The following CACNA1C variants were observed in gnomAD, a reference collection of about 807,000 sequenced individuals.
The protein encoded by CACNA1C is voltage-dependent L-type calcium channel subunit alpha-1C.
A neutral mutation model predicts 229.0 loss-of-function variants in CACNA1C; 30 were observed. That is an observed-to-expected ratio of 0.13 (90% CI 0.10 to 0.18). The LOEUF is 0.18. CACNA1C is among the 10% of genes least tolerant of loss of function. The probability of loss-of-function intolerance (pLI) is 1.00; values close to 1 mark genes in which losing one functional copy is unlikely to be tolerated. For synonymous variants in CACNA1C, 1,114 were observed against 1,132.5 expected (o/e 0.98, Z 0.33); for missense variants, 1,658 against 2,845.0 (o/e 0.58, Z 9.49).
intron 3 of CACNA1C, among the ~76,000 whole-genome samples, chr12:2,281,308 G>A (rs771465301): frequency 3.3e-5 from 5 of 151,956 alleles, no homozygotes; most frequent in Non-Finnish European, 7.4e-5. Flanking sequence ...TTTTGTTTAG[G>A]CAGTCAATGA....
chr12:2,147,759 T>G (rs1374140058), intron 3 of CACNA1C, among the ~76,000 whole-genome samples: 1 of 148,992 alleles, frequency 6.7e-6, no homozygotes, highest in Non-Finnish European at 1.5e-5. Context: ...AAGACTTCTT[T>G]CTACTCTCAA....
At position 2,348,981 on chromosome 12, in the gene CACNA1C, A is replaced by G. The variant is rs114016211; in HGVS notation, c.478-99995A>G. ...TGATACTTTGGAGTTCAGTTAGCCC[A>G]GAATGGTGAAGAAAATGGCTGTCAC... On this transcript the variant is annotated intron_variant, in intron 3 of 46. Transcript: ENST00000399655. The surrounding 1 kb of genome is among the most constrained non-coding windows in gnomAD (Gnocchi z 4.7). Among the ~76,000 whole-genome samples, 698 of 152,336 alleles carry G rather than the reference A, an allele frequency of 4.6e-3. 2 individuals are homozygous for G. Among genetic ancestry groups the G allele is most frequent in the African/African-American group, 0.016 (671 of 41,576 alleles).
chr12:2,143,467 T>G (rs765813775), intron 3 of CACNA1C, among the ~76,000 whole-genome samples: 4 of 151,122 alleles, frequency 2.6e-5, no homozygotes, highest in Non-Finnish European at 4.4e-5. Flanking sequence ...TTTTATAGAT[T>G]ATTTTTTATG....
At chr12:2,435,653 C>T (rs1440631043) in intron 3 of CACNA1C, among the ~76,000 whole-genome samples, 1 of 152,216 alleles carries the variant, frequency 6.6e-6, no homozygotes, top group African/African-American at 2.4e-5. Context: ...TCAACCATGA[C>T]ATGCTGCAGG....
chr12:2,008,718 T>C (rs987462360), intron 1 of CACNA1C, among the ~76,000 whole-genome samples: 4 of 152,214 alleles, frequency 2.6e-5, no homozygotes, highest in African/African-American at 7.2e-5. Flanking sequence ...AGGTTTTTGG[T>C]TTTTTAACTT....
At chr12:2,349,348 TG>T (rs2097140830) in intron 3 of CACNA1C, among the ~76,000 whole-genome samples, 1 of 152,168 alleles carries the variant, frequency 6.6e-6, no homozygotes, top group Non-Finnish European at 1.5e-5. Context: ...GGGTTCTAAC[TG>T]GGTATGGAAT....
chr12:2,478,658 A>T (rs1319425183), intron 5 of CACNA1C, among the ~76,000 whole-genome samples: 3 of 152,182 alleles, frequency 2.0e-5, no homozygotes, highest in Non-Finnish European at 4.4e-5. Context: ...CAGCAACTTT[A>T]TGGGATAGGT....
chr12:2,100,582 CAAAAAAA>C (rs71441677), intron 1 of CACNA1C, among the ~76,000 whole-genome samples: 51 of 66,472 alleles, frequency 7.7e-4, no homozygotes, highest in East Asian at 5.4e-3. Flanking sequence ...CTGTTTCTAC[CAAAAAAA>C]AAAAAAAAAA....
intron 3 of CACNA1C, among the ~76,000 whole-genome samples, chr12:2,279,603 A>C (rs955322886): frequency 1.3e-5 from 2 of 152,168 alleles, no homozygotes; most frequent in African/African-American, 2.4e-5. Context: ...TTGCGCTGAA[A>C]TTTATTTTGC....
Position 2,004,425 on chromosome 12 carries a change from C to G in CACNA1C, c.139+33224C>G, listed in dbSNP as rs539589278. On this transcript the variant is annotated intron_variant, in intron 1 of 46. Transcript: ENST00000682462. Reference sequence around the variant, plus strand: ...CCCACCAGGCCGCCTGCCGCCACGGCTGCCATCTTCCCTCCCTCCCAGACA... The same window carrying G: ...CCCACCAGGCCGCCTGCCGCCACGGGTGCCATCTTCCCTCCCTCCCAGACA... 6 of 1,608,994 alleles carry G rather than the reference C, an allele frequency of 3.7e-6. No individual in the cohort carries two copies. The East Asian group carries it at 1.1e-4, about 30-fold the overall frequency.
chr12:2,350,693 G>A (rs1409979851), intron 3 of CACNA1C, among the ~76,000 whole-genome samples: 3 of 152,204 alleles, frequency 2.0e-5, no homozygotes, highest in Non-Finnish European at 4.4e-5. Flanking sequence ...CAGGCTCGGC[G>A]GCTCAGCTGC....
At chr12:2,373,375 A>G (rs2097921754) in intron 3 of CACNA1C, among the ~76,000 whole-genome samples, 1 of 152,186 alleles carries the variant, frequency 6.6e-6, no homozygotes. Flanking sequence ...TAATAAGTAA[A>G]GAAAATGTCA....
rs949102750 is a variant in CACNA1C, at chr12:2,152,375, C to T, written c.477+31945C>T. On this transcript the variant is annotated intron_variant, in intron 3 of 46. Transcript: ENST00000399655. The surrounding 1 kb of genome is among the most constrained non-coding windows in gnomAD (Gnocchi z 4.2). ...TAGTAGGATGTCAGCAGAGGTGATGCGTGTGACTTCCGGTGTGTGCCCTTG... is the reference window on the plus strand; with the variant it reads ...TAGTAGGATGTCAGCAGAGGTGATGTGTGTGACTTCCGGTGTGTGCCCTTG... 4.6e-5 allele frequency among the ~76,000 whole-genome samples: 7 copies of T among 152,214 alleles called. No individual in the cohort carries two copies. The highest frequency in any genetic ancestry group is 4.1e-4 in the South Asian group (2 of 4,828).
chr12:2,553,348 G>A (rs1392716150), intron 10 of CACNA1C, among the ~76,000 whole-genome samples: 3 of 152,190 alleles, frequency 2.0e-5, no homozygotes, highest in East Asian at 1.9e-4. Flanking sequence ...TTCCAGTTCT[G>A]TAAAGCCTAC....
chr12:2,384,252 A>G (rs554678756), intron 3 of CACNA1C, among the ~76,000 whole-genome samples: 1 of 152,302 alleles, frequency 6.6e-6, no homozygotes, highest in East Asian at 1.9e-4. Context: ...AGTTCTTCAT[A>G]TTCTCGAAGA....
At chr12:2,134,999 C>G (rs1417255575) in intron 3 of CACNA1C, among the ~76,000 whole-genome samples, 1 of 132,628 alleles carries the variant, frequency 7.5e-6, no homozygotes, top group Non-Finnish European at 1.6e-5. Context: ...GGAGGCTTTG[C>G]TCATTTCTTT....
intron 34 of CACNA1C, among the ~76,000 whole-genome samples, chr12:2,656,200 A>C (rs890100520): frequency 3.7e-4 from 56 of 152,334 alleles, no homozygotes; most frequent in African/African-American, 1.3e-3. Flanking sequence ...AATCCTAAAG[A>C]CCACCAAAAT....
At chr12:2,177,140 C>T (rs2096669999) in intron 3 of CACNA1C, among the ~76,000 whole-genome samples, 1 of 152,148 alleles carries the variant, frequency 6.6e-6, no homozygotes, top group African/African-American at 2.4e-5. Context: ...CCCAGAGAGC[C>T]CTTCTGTGGA....
At chr12:2,658,595 A>C (rs190746962) in intron 34 of CACNA1C, among the ~76,000 whole-genome samples, 1 of 150,784 alleles carries the variant, frequency 6.6e-6, no homozygotes, top group Non-Finnish European at 1.5e-5. Flanking sequence ...CTATACTTTT[A>C]TCATTATTTT....
Sources: gnomAD v4.1 joint callset for allele counts (sites outside exome capture counted in the v4.1 genomes callset) on GRCh38, gnomAD v4.1.1 for gene constraint, Gnocchi (gnomAD v3.1) non-coding constraint, MANE v1.5 for transcripts, NCBI Gene and HGNC (gene_info 2026-07-23, HGNC 2026-07-21) for gene names.